Variants in SLC1A6 observed in about 807,000 individuals in gnomAD.
SLC1A6 encodes solute carrier family 1 member 6, also known as excitatory amino acid transporter 4.
A neutral mutation model predicts 42.1 loss-of-function variants in SLC1A6; 15 were observed. The observed-to-expected ratio is 0.36, with a 90% CI of 0.24 to 0.55. The LOEUF (loss-of-function observed/expected upper bound fraction) is 0.55, where lower values mean the gene tolerates loss of function less well. Ranked by LOEUF, SLC1A6 falls within the 20% of genes least tolerant of loss-of-function variation. The probability of loss-of-function intolerance (pLI) is 0.88; values close to 1 mark genes in which losing one functional copy is unlikely to be tolerated. For missense variants in SLC1A6, 542 were observed against 772.5 expected, an observed-to-expected ratio of 0.70 and a Z score of 3.54; for synonymous variants, 317 against 319.7, an observed-to-expected ratio of 0.99 and a Z score of 0.09.
chr19:14,966,740 G>A (rs994081382), intron 4 of SLC1A6, among the ~76,000 whole-genome samples: 1 of 152,048 alleles, frequency 6.6e-6, no homozygotes, highest in African/African-American at 2.4e-5. Context: ...CGTGGATGAA[G>A]CTGGAAGCCA....
intron 1 of SLC1A6, among the ~76,000 whole-genome samples, chr19:15,003,660 C>CAAAAAAA (rs371118940): frequency 6.6e-5 from 8 of 121,944 alleles, no homozygotes; most frequent in East Asian, 2.4e-4. Flanking sequence ...CATGTAATGC[C>CAAAAAAA]AAAAAAAAAA....
At chr19:14,957,745 T>TGTTATC (rs2045475314) in intron 6 of SLC1A6, among the ~76,000 whole-genome samples, 1 of 152,204 alleles carries the variant, frequency 6.6e-6, no homozygotes, top group East Asian at 1.9e-4. Flanking sequence ...CAAGTGGTGA[T>TGTTATC]AACAGCAAAG....
chr19:14,954,118 T>C lies in SLC1A6; in HGVS notation c.1364+17A>G. 6.6e-7 allele frequency: 1 copy of C among 1,508,956 alleles called. No homozygotes were observed. Among genetic ancestry groups the C allele is most frequent in the Non-Finnish European group, 9.0e-7 (1 of 1,115,648 alleles). The allele number at this position is 1,508,956 out of a possible 1,614,324, so 93.5% of individuals were successfully genotyped here. On this transcript the variant is annotated intron_variant, in intron 8 of 9. Coordinates refer to ENST00000594383, the MANE Select transcript of SLC1A6 (RefSeq NM_005071.3). ...TTAAGTCTCACCTGCTGGCAGGTCC[T>C]ACCCAAGCCCCCTCACCTGATGGTT... is the stretch of plus-strand genomic sequence containing the variant.
At chr19:15,010,141 G>T (rs537578242) in intron 1 of SLC1A6, among the ~76,000 whole-genome samples, 4 of 144,250 alleles carry the variant, frequency 2.8e-5, no homozygotes, top group Non-Finnish European at 6.0e-5. Context: ...AGCCCAGCTC[G>T]CACCACTGCA....
chr19:15,000,126 C>T lies in SLC1A6; in HGVS notation c.6+10359G>A, dbSNP rs139680858. ...ACTCTAGGCTAATGTAAGTGTTCTG[C>T]GCATGTTTAAGGTAGATGAGGCTAA... is the stretch of plus-strand genomic sequence containing the variant. On this transcript the variant is annotated intron_variant, in intron 1 of 8. Coordinates refer to the SLC1A6 transcript ENST00000430939. Among the ~76,000 whole-genome samples, 601 of 151,758 alleles carry T rather than the reference C, an allele frequency of 4.0e-3. 3 individuals are homozygous for T. The highest frequency in any genetic ancestry group is 0.014 in the African/African-American group (567 of 41,386).
At chr19:15,005,275 A>T (rs898876197) in intron 1 of SLC1A6, among the ~76,000 whole-genome samples, 7 of 150,312 alleles carry the variant, frequency 4.7e-5, no homozygotes, top group African/African-American at 1.7e-4. Flanking sequence ...AAAAAAAAAA[A>T]AAGCAGGGCA....
At chr19:14,995,344 AGAAAG>A (rs1472450637) in intron 1 of SLC1A6, among the ~76,000 whole-genome samples, 1 of 76,842 alleles carries the variant, frequency 1.3e-5, no homozygotes, top group African/African-American at 4.6e-5. Flanking sequence ...AAAAAAAAAA[AGAAAG>A]AAAGAAAGAA....
chr19:14,955,065 A>G (rs957530865), intron 7 of SLC1A6, among the ~76,000 whole-genome samples: 2 of 152,118 alleles, frequency 1.3e-5, no homozygotes, highest in Non-Finnish European at 2.9e-5. Context: ...AGTTTAGTCA[A>G]AGAAGTGGGC....
upstream of SLC1A6, among the ~76,000 whole-genome samples, chr19:14,983,336 G>T (rs1008286993): frequency 6.6e-6 from 1 of 152,068 alleles, no homozygotes; most frequent in African/African-American, 2.4e-5. Context: ...CTTTGCTGAA[G>T]TGCTGTCTAG....
chr19:14,965,488 CAT>C (rs2045563640), intron 4 of SLC1A6, among the ~76,000 whole-genome samples: 1 of 152,138 alleles, frequency 6.6e-6, no homozygotes, highest in African/African-American at 2.4e-5. Flanking sequence ...CCTAAGTGCC[CAT>C]CAACTGATGA....
At chr19:15,000,154 T>A (rs944883805) in intron 1 of SLC1A6, among the ~76,000 whole-genome samples, 1 of 152,218 alleles carries the variant, frequency 6.6e-6, no homozygotes, top group Non-Finnish European at 1.5e-5. Context: ...GAGGCTAAGC[T>A]ATGGTGTTCA....
chr19:14,988,505 C>T (rs2045803409), intron 1 of SLC1A6, among the ~76,000 whole-genome samples: 1 of 152,076 alleles, frequency 6.6e-6, no homozygotes, highest in Non-Finnish European at 1.5e-5. Context: ...AGAAGACATA[C>T]AAAATGGCCA....
chr19:14,979,382 A>C lies in SLC1A6; in HGVS notation c.-81T>G, dbSNP rs1007505. On this transcript the variant is annotated 5_prime_UTR_variant, in exon 1 of 10. Coordinates refer to ENST00000594383, the MANE Select transcript of SLC1A6 (RefSeq NM_005071.3). This position sits in a 1 kb window ranked among gnomAD's most constrained non-coding sequence, Gnocchi z 4.2. ...GGAGCTCAGAGACAAAGGGCGGCGG[A>C]GAAGTGGGGACGTGGGCGCAGGGAG... The C allele has an allele frequency of 0.22, 33,548 of 152,220 alleles. 3,894 individuals are homozygous for C. The highest frequency in any genetic ancestry group is 0.29 in the Admixed American group (4,438 of 15,294). 9.4% of individuals were successfully genotyped at this position (152,220 alleles called of 1,614,324 possible).
intron 1 of SLC1A6, among the ~76,000 whole-genome samples, chr19:15,009,580 G>A (rs1252579194): frequency 6.6e-6 from 1 of 152,008 alleles, no homozygotes; most frequent in African/African-American, 2.4e-5. Flanking sequence ...CAAACAGAGT[G>A]GAAAACAGAC....
intron 9 of SLC1A6, 102 bp downstream of exon 9, chr19:14,952,826 T>A (rs1258342885): frequency 1.7e-5 from 24 of 1,421,532 alleles, no homozygotes; most frequent in Non-Finnish European, 2.2e-5. Flanking sequence ...TCTGGACCAC[T>A]GCATCTTTGC....
intron 1 of SLC1A6, among the ~76,000 whole-genome samples, chr19:14,995,451 G>A (rs2045841594): frequency 6.6e-6 from 1 of 151,844 alleles, no homozygotes; most frequent in African/African-American, 2.4e-5. Flanking sequence ...TTGAGGAGAT[G>A]TTGGTCAAAG....
At chr19:14,973,811 G>A (rs2045672615) in intron 1 of SLC1A6, 1 of 152,316 alleles carries the variant, frequency 6.6e-6, no homozygotes, top group African/African-American at 2.4e-5. Flanking sequence ...ATCAGCAGGT[G>A]CCTGGCAAAC....
chr19:15,005,342 T>C (rs1040392267), intron 1 of SLC1A6, among the ~76,000 whole-genome samples: 17 of 151,404 alleles, frequency 1.1e-4, no homozygotes, highest in Non-Finnish European at 2.4e-4. Flanking sequence ...CAAATTGTTC[T>C]ACTAAAAATA....
intron 8 of SLC1A6, 77 bp downstream of exon 8, chr19:14,954,058 C>T: frequency 1.1e-6 from 1 of 933,880 alleles, no homozygotes; most frequent in Non-Finnish European, 1.6e-6. Flanking sequence ...GCCCCCTCCT[C>T]CCTCCCCAAC....
Sources: gnomAD v4.1 joint callset for allele counts (sites outside exome capture counted in the v4.1 genomes callset) on GRCh38, gnomAD v4.1.1 for gene constraint, Gnocchi (gnomAD v3.1) non-coding constraint, MANE v1.5 for transcripts, NCBI Gene and HGNC (gene_info 2026-07-23, HGNC 2026-07-21) for gene names.